Variants in PTPRE observed in about 807,000 individuals in gnomAD.
PTPRE encodes the protein protein tyrosine phosphatase receptor type E.
In PTPRE, 51 loss-of-function variants were observed where a neutral mutation model predicts 102.0. The observed-to-expected ratio is 0.50, with a 90% CI of 0.40 to 0.63. PTPRE has a LOEUF of 0.63. Among genes scored for constraint, PTPRE ranks in the 30% least tolerant of loss-of-function variants. PTPRE has a pLI of 0.00. For missense variants in PTPRE, 752 were observed against 915.1 expected (o/e 0.82, Z 2.30); for synonymous variants, 345 against 348.2 (o/e 0.99, Z 0.10).
chr10:127,945,764 CCT>C (rs1848577415), intron 1 of PTPRE, among the ~76,000 whole-genome samples: 1 of 152,074 alleles, frequency 6.6e-6, no homozygotes, highest in African/African-American at 2.4e-5. Flanking sequence ...ATTCATCACC[CCT>C]CTCTCCTCCT....
In PTPRE at chr10:128,070,409, A is replaced by G. The variant is rs1850664833; in HGVS notation, c.1252A>G (p.Thr418Ala). ...GCACCTGCAGACCATGCACGGCACC[A>G]CCACCCACTTCGACAAGATCGGGCT... ...EKHLQTMHGT[T>A]THFDKIGLEE... The change falls in exon 14 of 21, where the codon ACC (threonine) becomes GCC (alanine). Residue 418 changes from threonine (T) to alanine (A), a missense_variant. Around this residue, in one of 2 missense-constraint regions of PTPRE, gnomAD observed 636 missense variants for 824.4 expected, o/e 0.77. Coordinates refer to ENST00000254667, the MANE Select transcript of PTPRE (RefSeq NM_006504.6). The surrounding 1 kb of genome is among the most constrained non-coding windows in gnomAD (Gnocchi z 4.8). The G allele has an allele frequency of 1.2e-6, 2 of 1,614,124 alleles. No individual in the cohort carries two copies. Among genetic ancestry groups the G allele is most frequent in the African/African-American group, 1.3e-5 (1 of 75,032 alleles).
At chr10:128,076,819 C>A (rs1851244785) in intron 18 of PTPRE, 91 bp downstream of exon 18, 6 of 1,551,588 alleles carry the variant, frequency 3.9e-6, no homozygotes, top group Non-Finnish European at 5.3e-6. Flanking sequence ...AGAATGTGGC[C>A]CTGCACCTGT....
At chr10:128,040,215 A>G (rs1017983161) in intron 2 of PTPRE, among the ~76,000 whole-genome samples, 1 of 152,132 alleles carries the variant, frequency 6.6e-6, no homozygotes, top group African/African-American at 2.4e-5. Flanking sequence ...GTCAAGCTGG[A>G]GCCAGGCAGA....
intron 1 of PTPRE, among the ~76,000 whole-genome samples, chr10:127,937,678 G>A (rs1226950160): frequency 6.6e-6 from 1 of 150,660 alleles, no homozygotes; most frequent in South Asian, 2.1e-4. Flanking sequence ...GGCCAACATG[G>A]TGAAACCCCA....
At chr10:127,979,723 T>C (rs1851459602) in intron 1 of PTPRE, among the ~76,000 whole-genome samples, 1 of 152,226 alleles carries the variant, frequency 6.6e-6, no homozygotes, top group South Asian at 2.1e-4. Context: ...ATGATTTGTG[T>C]TTGATTGGGG....
rs775634701 is a variant in PTPRE, at chr10:128,073,474, G to A, written c.1599+3G>A. 21 of 1,611,992 alleles carry A rather than the reference G, an allele frequency of 1.3e-5. No homozygotes were observed. The highest frequency in any genetic ancestry group is 1.7e-5 in the Non-Finnish European group (20 of 1,179,530). On this transcript the variant is annotated splice_donor_region_variant and intron_variant, in intron 17 of 20. Transcript: ENST00000254667. Reference sequence around the variant, plus strand: ...CGGAGGTGCAGGAGAGAGAGCAGGTGAGGAGTGCCGCCCAGCCCGGTCCCT... The same window carrying A: ...CGGAGGTGCAGGAGAGAGAGCAGGTAAGGAGTGCCGCCCAGCCCGGTCCCT...
chr10:128,079,563 C>A lies in PTPRE; in HGVS notation c.1896C>A (p.Ala632=). Reference sequence around the variant, plus strand: ...ATTAAGCGCTTTTTCTCTGCAGTGCCGGAGCTGGGCGAACAGGTACATTCA... The same window carrying A: ...ATTAAGCGCTTTTTCTCTGCAGTGCAGGAGCTGGGCGAACAGGTACATTCA... ...GNHPITVHCS[A]GAGRTGTFIA... is the part of the protein sequence containing the mutation. Residue 632 remains alanine, a synonymous_variant, in exon 20 of 21, where the codon GCC becomes GCA. Coordinates refer to ENST00000254667, the MANE Select transcript of PTPRE (RefSeq NM_006504.6). 1 of 1,613,724 alleles carries A rather than the reference C, an allele frequency of 6.2e-7. No individual in the cohort carries two copies. Among genetic ancestry groups the A allele is most frequent in the Non-Finnish European group, 8.5e-7 (1 of 1,179,912 alleles).
chr10:127,909,479 C>T (rs1005137808), intron 1 of PTPRE, among the ~76,000 whole-genome samples: 5 of 152,118 alleles, frequency 3.3e-5, no homozygotes, highest in South Asian at 4.1e-4. Context: ...TTTCTAGGCC[C>T]GGCCACTCCT....
intron 1 of PTPRE, among the ~76,000 whole-genome samples, chr10:127,931,269 G>A (rs11018406): frequency 0.22 from 33,087 of 151,998 alleles, 3,928 homozygotes; most frequent in African/African-American, 0.31. Context: ...TCTTTTGCCT[G>A]TTTTTAAAAT....
At chr10:127,927,927 A>G (rs1365817727) in intron 1 of PTPRE, among the ~76,000 whole-genome samples, 2 of 152,186 alleles carry the variant, frequency 1.3e-5, no homozygotes, top group African/African-American at 4.8e-5. Flanking sequence ...GCTTTCTTTT[A>G]AACAGCTTTT....
At chr10:127,930,934 G>A (rs1016888500) in intron 1 of PTPRE, among the ~76,000 whole-genome samples, 1 of 151,554 alleles carries the variant, frequency 6.6e-6, no homozygotes, top group Non-Finnish European at 1.5e-5. Context: ...CTGGGATTAC[G>A]AGCGCGTGCC....
rs201317856 is a variant in PTPRE, at chr10:128,047,460, C to T, written c.180C>T (p.Leu60=). Residue 60 remains leucine, a synonymous_variant, in exon 4 of 21, where the codon CTC becomes CTT. Transcript: ENST00000254667. ...TACTGCCGCTGCTGCTCCTCCTCCT[C>T]GTGCTCCTTCTCGCCGCCTACTTCT... ...WLLLPLLLLL[L]VLLLAAYFFR... 25 of 1,613,414 alleles carry T rather than the reference C, an allele frequency of 1.5e-5. No individual in the cohort carries two copies. The highest frequency in any genetic ancestry group is 2.7e-5 in the African/African-American group (2 of 75,040).
At chr10:128,073,194 C>G (rs755437189) in intron 16 of PTPRE, 143 bp from the exon 17 acceptor site, 5 of 1,139,708 alleles carry the variant, frequency 4.4e-6, no homozygotes, top group Non-Finnish European at 6.1e-6. Context: ...CCTGAGTGCT[C>G]GTGCCAACTG....
chr10:128,068,499 A>C, intron 12 of PTPRE: 1 of 450,270 alleles, frequency 2.2e-6, no homozygotes, highest in East Asian at 3.9e-5. Context: ...GATAAAACCC[A>C]CCAAAGCCAG....
chr10:128,068,255 G>T lies in PTPRE; in HGVS notation c.976G>T (p.Val326Leu), dbSNP rs777752534. 1 of 1,614,090 alleles carries T rather than the reference G, an allele frequency of 6.2e-7. No individual in the cohort carries two copies. The highest frequency in any genetic ancestry group is 1.7e-5 in the Admixed American group (1 of 60,026). Residue 326 changes from valine to leucine, a missense_variant, in exon 12 of 21, where the codon GTG becomes TTG. Physicochemically the swap from Val to Leu is conservative, Grantham distance 32. Coordinates refer to ENST00000254667, the MANE Select transcript of PTPRE (RefSeq NM_006504.6). ...CAAGAAAGTAAAGACGCTCAACCCC[G>T]TGCACGCTGGGCCCATCGTGGTCCA... ...FLKKVKTLNP[V>L]HAGPIVVHCS...
At chr10:127,948,569 T>C (rs562403618) in intron 1 of PTPRE, among the ~76,000 whole-genome samples, 1 of 152,362 alleles carries the variant, frequency 6.6e-6, no homozygotes, top group South Asian at 2.1e-4. Flanking sequence ...TCCATAGTTT[T>C]GCCTTTTCTA....
At chr10:128,018,023 A>G (rs1302698665) in intron 2 of PTPRE, among the ~76,000 whole-genome samples, 1 of 152,192 alleles carries the variant, frequency 6.6e-6, no homozygotes, top group African/African-American at 2.4e-5. Context: ...AGGGTCTGGC[A>G]CAAACTCGCT....
chr10:128,055,622 T>C (rs1848891056), intron 6 of PTPRE, among the ~76,000 whole-genome samples: 1 of 152,158 alleles, frequency 6.6e-6, no homozygotes, highest in Admixed American at 6.5e-5. Flanking sequence ...AGATCAGGAC[T>C]GTATCTAAGG....
intron 1 of PTPRE, among the ~76,000 whole-genome samples, chr10:127,958,791 GA>G (rs1849580599): frequency 6.6e-6 from 1 of 151,706 alleles, no homozygotes; most frequent in African/African-American, 2.4e-5. Context: ...ATATTTGGTA[GA>G]ATTCACCAGT....
Sources: allele counts gnomAD v4.1 joint callset (sites outside exome capture counted in the v4.1 genomes callset), GRCh38; gene constraint gnomAD v4.1.1; regional missense constraint gnomAD v4.1.1; non-coding constraint Gnocchi (gnomAD v3.1); transcripts MANE v1.5; gene names NCBI Gene and HGNC (gene_info 2026-07-23, HGNC 2026-07-21).